The following GOLGA4 variants were observed in gnomAD, a reference collection of about 807,000 sequenced individuals.
The protein encoded by GOLGA4 is golgin subfamily A member 4.
A neutral mutation model predicts 265.9 loss-of-function variants in GOLGA4; 169 were observed. That is an observed-to-expected ratio of 0.64 (90% CI 0.56 to 0.72). The LOEUF is 0.72. Ranked by LOEUF, GOLGA4 falls within the 30% of genes least tolerant of loss-of-function variation. The pLI is 0.00. For missense variants in GOLGA4, 2,482 were observed against 2,483.4 expected (o/e 1.00, Z 0.01); for synonymous variants, 923 against 855.8 (o/e 1.08, Z -1.37).
chr3:37,310,708 G>C (rs556549471), intron 10 of GOLGA4, among the ~76,000 whole-genome samples: 1 of 151,766 alleles, frequency 6.6e-6, no homozygotes, highest in South Asian at 2.1e-4. Context: ...TGACCTAAAA[G>C]TATTTTTAAA....
At chr3:37,251,824 A>G (rs1249598566) in intron 2 of GOLGA4, among the ~76,000 whole-genome samples, 1 of 152,140 alleles carries the variant, frequency 6.6e-6, no homozygotes, top group African/African-American at 2.4e-5. Flanking sequence ...AGCTGGGACT[A>G]TAGGCGCACG....
rs1208112757 is a variant in GOLGA4, at chr3:37,243,454, T to A, written c.-97T>A. 12 of 1,011,058 alleles carry A rather than the reference T, an allele frequency of 1.2e-5. No homozygotes were observed. Among genetic ancestry groups the A allele is most frequent in the Non-Finnish European group, 1.9e-5 (12 of 636,056 alleles). The allele number at this position is 1,011,058 out of a possible 1,614,324, so 62.6% of individuals were successfully genotyped here. ...GGCGAGGCCCGGCCCCCGCTGTCCCTGGTGTAAAGAAGTCGCCGTAGCCGT... is the reference window on the plus strand; with the variant it reads ...GGCGAGGCCCGGCCCCCGCTGTCCCAGGTGTAAAGAAGTCGCCGTAGCCGT... On this transcript the variant is annotated 5_prime_UTR_variant, in exon 1 of 24. Transcript: ENST00000361924.
In GOLGA4 at chr3:37,298,862, G is replaced by C. The variant is rs773285415; in HGVS notation, c.844G>C (p.Glu282Gln). ...AGATGGAACTTCTGTAAAAACACTG[G>C]AAACACTCCAGCAAAGAGTGAAGCG... ...VEDGTSVKTL[E>Q]TLQQRVKRQE... The change falls in exon 8 of 24, where the codon GAA (glutamate) becomes CAA (glutamine). Residue 282 changes from glutamate (E) to glutamine (Q), a missense_variant. Glu to Gln is a conservative substitution (Grantham distance 29). Around this residue, in one of 3 missense-constraint regions of GOLGA4, gnomAD observed 1,536 missense variants for 1,483.7 expected, o/e 1.04. Coordinates refer to ENST00000361924, the MANE Select transcript of GOLGA4 (RefSeq NM_002078.5). 5 of 1,608,582 alleles carry C rather than the reference G, an allele frequency of 3.1e-6. No homozygotes were observed. In the Admixed American group the frequency reaches 8.5e-5, roughly 27 times the overall value.
intron 21 of GOLGA4, 41 bp downstream of exon 21, chr3:37,347,337 T>A: frequency 9.0e-7 from 1 of 1,112,226 alleles, no homozygotes; most frequent in Non-Finnish European, 1.4e-6. Flanking sequence ...GGCTTAATTT[T>A]AAAAGAAATA....
chr3:37,324,781 G>A lies in GOLGA4; in HGVS notation c.2895G>A (p.Glu965=). Residue 965 remains glutamate (E), a synonymous_variant, in exon 14 of 24, where the codon GAG becomes GAA. Transcript: ENST00000361924. ...KMEKVKQKAK[E]MQETLKKKLL... is the part of the protein sequence containing the mutation. ...AAAAAGTTAAGCAGAAAGCAAAGGA[G>A]ATGCAAGAAACGTTAAAGAAAAAAT... is the stretch of plus-strand genomic sequence containing the variant. 1 of 1,584,718 alleles carries A rather than the reference G, an allele frequency of 6.3e-7. No individual in the cohort carries two copies. The highest frequency in any genetic ancestry group is 1.4e-5 in the African/African-American group (1 of 72,844).
Position 37,325,614 on chromosome 3 carries a change from C to T in GOLGA4, c.3728C>T (p.Thr1243Ile), listed in dbSNP as rs772653870. 1 of 1,613,564 alleles carries T rather than the reference C, an allele frequency of 6.2e-7. No individual in the cohort carries two copies. The highest frequency in any genetic ancestry group is 1.7e-5 in the Admixed American group (1 of 60,006). ...NELINISSSK[T>I]NAILSRISHC... Reference sequence around the variant, plus strand: ...CTAATCAACATTAGTAGTAGTAAAACTAATGCCATTCTTTCTAGGATTTCT... The same window carrying T: ...CTAATCAACATTAGTAGTAGTAAAATTAATGCCATTCTTTCTAGGATTTCT... The change falls in exon 14 of 24, where the codon ACT becomes ATT. Residue 1243 changes from threonine (T) to isoleucine (I), a missense_variant. Thr to Ile is a moderately conservative substitution (Grantham distance 89). Around this residue, in one of 3 missense-constraint regions of GOLGA4, gnomAD observed 1,536 missense variants for 1,483.7 expected, o/e 1.04. Coordinates refer to ENST00000361924, the MANE Select transcript of GOLGA4 (RefSeq NM_002078.5).
At chr3:37,293,493 TA>T (rs1357218371) in intron 5 of GOLGA4, among the ~76,000 whole-genome samples, 1 of 152,252 alleles carries the variant, frequency 6.6e-6, no homozygotes. Context: ...GAAAAAGTAA[TA>T]AAAAATATTG....
chr3:37,332,503 TCTCAAAAGAAAAAC>T (rs2150989616), intron 16 of GOLGA4, among the ~76,000 whole-genome samples: 1 of 152,186 alleles, frequency 6.6e-6, no homozygotes. Flanking sequence ...TGAGGCCCTG[TCTCAAAAGAAAAAC>T]AACAAAAAAA....
Position 37,282,292 on chromosome 3 carries a change from G to T in GOLGA4, c.477+20G>T. The stretch of plus-strand genomic sequence containing the variant: ...TCTGAGGTAGGAGCATGACCTTTTT[G>T]CCTGTACAAAAATTTCTTCCCCTTG... On this transcript the variant is annotated intron_variant, in intron 3 of 23. Transcript: ENST00000361924. The T allele has an allele frequency of 6.3e-7, 1 of 1,591,764 alleles. No homozygotes were observed. The highest frequency in any genetic ancestry group is 8.6e-7 in the Non-Finnish European group (1 of 1,164,452).
At chr3:37,345,276 T>C (rs2097052619) in intron 20 of GOLGA4, among the ~76,000 whole-genome samples, 1 of 152,220 alleles carries the variant, frequency 6.6e-6, no homozygotes, top group South Asian at 2.1e-4. Context: ...TATTCTTAGA[T>C]GTGATTGTAA....
intron 16 of GOLGA4, among the ~76,000 whole-genome samples, chr3:37,334,561 G>C (rs552156695): frequency 3.3e-5 from 5 of 152,068 alleles, no homozygotes; most frequent in Admixed American, 6.6e-5. Flanking sequence ...ATTGCCATCT[G>C]GTTGGGTAGT....
At chr3:37,304,641 A>C (rs2096901376) in intron 10 of GOLGA4, among the ~76,000 whole-genome samples, 1 of 152,208 alleles carries the variant, frequency 6.6e-6, no homozygotes. Context: ...CATTTCTTTT[A>C]AAATTCAGTG....
chr3:37,356,932 G>T (rs531938836), intron 22 of GOLGA4, among the ~76,000 whole-genome samples: 1 of 152,022 alleles, frequency 6.6e-6, no homozygotes, highest in African/African-American at 2.4e-5. Context: ...ATCCTAAGTC[G>T]CTGCTCTAGC....
intron 5 of GOLGA4, among the ~76,000 whole-genome samples, chr3:37,293,934 T>C (rs1016896343): frequency 2.0e-5 from 3 of 152,236 alleles, no homozygotes; most frequent in Non-Finnish European, 4.4e-5. Flanking sequence ...CTGTAGACAG[T>C]TGTAACACAA....
chr3:37,272,741 G>A (rs537926916), intron 2 of GOLGA4, among the ~76,000 whole-genome samples: 1 of 152,342 alleles, frequency 6.6e-6, no homozygotes, highest in Admixed American at 6.5e-5. Context: ...AATGCAAGAT[G>A]TAACTACTGA....
chr3:37,312,952 GATA>G (rs2096926961), intron 10 of GOLGA4, among the ~76,000 whole-genome samples: 1 of 152,130 alleles, frequency 6.6e-6, no homozygotes, highest in Non-Finnish European at 1.5e-5. Flanking sequence ...TCATATAAAA[GATA>G]ATCACTTTGG....
intron 13 of GOLGA4, among the ~76,000 whole-genome samples, chr3:37,322,527 C>T (rs2150954514): frequency 6.6e-6 from 1 of 152,258 alleles, no homozygotes; most frequent in African/African-American, 2.4e-5. Context: ...ATACTTCTTA[C>T]TCATAGTTCT....
chr3:37,339,098 A>G lies in GOLGA4; in HGVS notation c.6397-1026A>G, dbSNP rs559951581. Among the ~76,000 whole-genome samples, 17 of 152,094 alleles carry G rather than the reference A, an allele frequency of 1.1e-4. No homozygotes were observed. The South Asian group carries it at 3.5e-3, about 32-fold the overall frequency. On this transcript the variant is annotated intron_variant, in intron 19 of 23. Coordinates refer to ENST00000361924, the MANE Select transcript of GOLGA4 (RefSeq NM_002078.5). ...AGGATGGTTTCGATCTCCTGACCTCATGATCTGCCTGCCTCAGCCTCCCAA... is the reference window on the plus strand; with the variant it reads ...AGGATGGTTTCGATCTCCTGACCTCGTGATCTGCCTGCCTCAGCCTCCCAA...
intron 12 of GOLGA4, chr3:37,319,994 A>T (rs1217077786): frequency 6.6e-6 from 1 of 152,196 alleles, no homozygotes; most frequent in Non-Finnish European, 1.5e-5. Flanking sequence ...AAGGCTGAGA[A>T]AATTTTGGCT....
Sources: gnomAD v4.1 joint callset for allele counts (sites outside exome capture counted in the v4.1 genomes callset) on GRCh38, gnomAD v4.1.1 for gene constraint, gnomAD v4.1.1 regional missense constraint, MANE v1.5 for transcripts, NCBI Gene and HGNC (gene_info 2026-07-23, HGNC 2026-07-21) for gene names.